The following PLCB4 variants were observed in gnomAD, a reference collection of about 807,000 sequenced individuals.
The protein encoded by PLCB4 is phospholipase C beta 4.
Under a neutral mutation model 178.8 loss-of-function variants are expected in PLCB4, and 77 were observed. That is an observed-to-expected ratio of 0.43 (90% CI 0.36 to 0.52). PLCB4 has a LOEUF of 0.52. Among genes scored for constraint, PLCB4 ranks in the 20% least tolerant of loss-of-function variants. PLCB4 has a pLI of 0.00. For synonymous variants in PLCB4, 496 were observed against 490.8 expected (o/e 1.01, Z -0.14); for missense variants, 1,024 against 1,453.4 (o/e 0.70, Z 4.80).
chr20:9,094,256 C>G (rs2146589371), intron 1 of PLCB4, among the ~76,000 whole-genome samples: 1 of 152,122 alleles, frequency 6.6e-6, no homozygotes, highest in Non-Finnish European at 1.5e-5. Context: ...AAAAAAGAAA[C>G]AGAAGATTTA....
At chr20:9,281,325 T>C (rs2147693718) in intron 3 of PLCB4, among the ~76,000 whole-genome samples, 1 of 152,150 alleles carries the variant, frequency 6.6e-6, no homozygotes, top group East Asian at 1.9e-4. Context: ...TAGAAGTAGT[T>C]TAATCACTTT....
intron 36 of PLCB4, among the ~76,000 whole-genome samples, chr20:9,472,323 GT>G: frequency 6.6e-6 from 1 of 152,212 alleles, no homozygotes; most frequent in Non-Finnish European, 1.5e-5. Flanking sequence ...ACAGTCTGTG[GT>G]TTTTATCATC....
At chr20:9,289,798 A>G (rs192452188) in intron 3 of PLCB4, among the ~76,000 whole-genome samples, 1 of 152,244 alleles carries the variant, frequency 6.6e-6, no homozygotes, top group East Asian at 1.9e-4. Context: ...GAGGGATTCT[A>G]AGCTTTCTGA....
intron 2 of PLCB4, among the ~76,000 whole-genome samples, chr20:9,210,931 C>T (rs16995654): frequency 0.046 from 7,020 of 152,012 alleles, 236 homozygotes; most frequent in East Asian, 0.17. Flanking sequence ...TATTGTAGCA[C>T]GAACTTGAGG....
At chr20:9,158,577 G>GTT (rs373471121) in intron 2 of PLCB4, among the ~76,000 whole-genome samples, 8 of 133,406 alleles carry the variant, frequency 6.0e-5, no homozygotes, top group Non-Finnish European at 4.9e-5. Flanking sequence ...CCACTCTCAC[G>GTT]TTTTTTTTTT....
intron 2 of PLCB4, among the ~76,000 whole-genome samples, chr20:9,168,906 A>C (rs1156649959): frequency 7.9e-6 from 1 of 126,438 alleles, no homozygotes; most frequent in Non-Finnish European, 1.7e-5. Flanking sequence ...GGCAGCCCCA[A>C]CTCCTGCCTG....
At chr20:9,262,935 G>A (rs929827925) in intron 3 of PLCB4, among the ~76,000 whole-genome samples, 1 of 152,146 alleles carries the variant, frequency 6.6e-6, no homozygotes, top group African/African-American at 2.4e-5. Context: ...GAACTGGAAA[G>A]CTTTAAAGAA....
intron 7 of PLCB4, among the ~76,000 whole-genome samples, chr20:9,340,447 A>C (rs561336210): frequency 1.1e-4 from 17 of 152,160 alleles, no homozygotes; most frequent in Non-Finnish European, 2.5e-4. Flanking sequence ...GTGAAGTTTG[A>C]GAACTCCTGT....
chr20:9,112,619 A>G (rs971045632), intron 2 of PLCB4, among the ~76,000 whole-genome samples: 1 of 152,108 alleles, frequency 6.6e-6, no homozygotes, highest in Non-Finnish European at 1.5e-5. Context: ...CAGGCATACC[A>G]TATGTCTTTA....
chr20:9,476,248 A>T (rs1436310434), intron 38 of PLCB4, among the ~76,000 whole-genome samples: 1 of 152,172 alleles, frequency 6.6e-6, no homozygotes, highest in Non-Finnish European at 1.5e-5. Context: ...CCAACTATTC[A>T]CTTAACACTC....
intron 30 of PLCB4, among the ~76,000 whole-genome samples, chr20:9,440,707 CAG>C (rs1224841901): frequency 6.6e-6 from 1 of 152,066 alleles, no homozygotes; most frequent in Non-Finnish European, 1.5e-5. Flanking sequence ...GGTGTGGAAA[CAG>C]GGAGGGGTGG....
At chr20:9,149,472 G>T (rs911400098) in intron 2 of PLCB4, among the ~76,000 whole-genome samples, 1 of 152,128 alleles carries the variant, frequency 6.6e-6, no homozygotes, top group Non-Finnish European at 1.5e-5. Flanking sequence ...GACTAATAAC[G>T]ATTTATTGAA....
At position 9,459,488 on chromosome 20, in the gene PLCB4, A is replaced by G. The variant is rs924910663; in HGVS notation, c.3073-147A>G. The G allele has an allele frequency of 3.6e-5, 18 of 506,496 alleles. No individual in the cohort carries two copies. The South Asian group carries it at 3.7e-4, about 10-fold the overall frequency. The allele number at this position is 506,496 out of a possible 1,614,324, so 31.4% of individuals were successfully genotyped here. On this transcript the variant is annotated intron_variant, in intron 34 of 39. Transcript: ENST00000378473. ...CTTCCTGCTTCCCATTGATTAATAC[A>G]TATTATTTTTTGGTGGTTATAGGTG...
Position 9,355,791 on chromosome 20 carries a change from T to G in PLCB4, c.370-7105T>G, listed in dbSNP as rs550709456. On this transcript the variant is annotated intron_variant, in intron 7 of 39. Coordinates refer to ENST00000378473, the MANE Select transcript of PLCB4 (RefSeq NM_001377142.1). ...TGTGTCTTTATAGCAGCATGATTTA[T>G]AGTCCTTTGGGTATATACCCAGTAA... is the stretch of plus-strand genomic sequence containing the variant. Among the ~76,000 whole-genome samples the G allele has an allele frequency of 7.9e-5, 12 of 152,224 alleles. No individual in the cohort carries two copies. In the South Asian group the frequency reaches 1.9e-3, roughly 24 times the overall value.
In PLCB4 at chr20:9,216,304, G is replaced by A. The variant is rs559759081; in HGVS notation, c.-78-1086G>A. Among the ~76,000 whole-genome samples the A allele has an allele frequency of 3.3e-5, 5 of 151,938 alleles. No homozygotes were observed. The South Asian group carries it at 6.2e-4, about 19-fold the overall frequency. On this transcript the variant is annotated intron_variant, in intron 2 of 39. Coordinates refer to ENST00000378473, the MANE Select transcript of PLCB4 (RefSeq NM_001377142.1). The stretch of plus-strand genomic sequence containing the variant: ...GCCATCTCGGCTTGCTGCAAGCTTC[G>A]CCTCCCAGGTTCACGCCATTTTCCT...
chr20:9,208,749 G>A (rs764448467), intron 2 of PLCB4, among the ~76,000 whole-genome samples: 4 of 151,980 alleles, frequency 2.6e-5, no homozygotes, highest in Non-Finnish European at 5.9e-5. Context: ...CTATGTTGAC[G>A]AGGCTGATCT....
At chr20:9,420,060 C>G in intron 26 of PLCB4, 151 bp downstream of exon 26, 2 of 494,784 alleles carry the variant, frequency 4.0e-6, no homozygotes. Flanking sequence ...AAATGAGACC[C>G]ATTTTTTCAC....
In PLCB4 at chr20:9,084,753, A is replaced by G. The variant is rs1011155235; in HGVS notation, c.-134-11534A>G. ...TGATTTATATTCAGTACATTCTTTA[A>G]TATAAAGATTGGATATAAAGACATC... On this transcript the variant is annotated intron_variant, in intron 1 of 39. Transcript: ENST00000378473. Among the ~76,000 whole-genome samples, 18 of 152,332 alleles carry G rather than the reference A, an allele frequency of 1.2e-4. 1 individual carries two copies. The highest frequency in any genetic ancestry group is 7.8e-4 in the Admixed American group (12 of 15,306).
At chr20:9,374,755 T>G (rs1349291939) in intron 12 of PLCB4, among the ~76,000 whole-genome samples, 1 of 152,190 alleles carries the variant, frequency 6.6e-6, no homozygotes, top group Non-Finnish European at 1.5e-5. Context: ...TTTTATGGGT[T>G]GTTTTTGTTG....
Sources: gnomAD v4.1 joint callset for allele counts (sites outside exome capture counted in the v4.1 genomes callset) on GRCh38, gnomAD v4.1.1 for gene constraint, MANE v1.5 for transcripts, NCBI Gene and HGNC (gene_info 2026-07-23, HGNC 2026-07-21) for gene names.